The following HUNK variants were observed in gnomAD, a reference collection of about 807,000 sequenced individuals.
HUNK encodes the protein hormonally up-regulated Neu-associated kinase.
A neutral mutation model predicts 61.0 loss-of-function variants in HUNK; 21 were observed. The observed-to-expected ratio is 0.34, with a 90% CI of 0.24 to 0.50. The LOEUF is 0.50. HUNK is among the 20% of genes least tolerant of loss of function. HUNK has a pLI of 0.98. For missense variants in HUNK, 772 were observed against 945.7 expected (o/e 0.82, Z 2.41); for synonymous variants, 371 against 386.1 (o/e 0.96, Z 0.46).
chr21:31,942,346 C>A (rs41441847), intron 3 of HUNK, among the ~76,000 whole-genome samples: 6,395 of 152,274 alleles, frequency 0.042, 172 homozygotes, highest in Middle Eastern at 0.13. Context: ...CTGCTTTCTC[C>A]TTAAGTGGTA....
rs997754800 is a variant in HUNK, at chr21:32,001,725, T to C, written c.*2541T>C. On this transcript the variant is annotated 3_prime_UTR_variant, in exon 11 of 11. Transcript: ENST00000270112. ...GTGAAAGGAGAAATGTTAGATTCTT[T>C]ATTATTTTATTATATTTATATGGAA... The C allele has an allele frequency of 6.6e-6, 1 of 152,578 alleles. No homozygotes were observed. Among genetic ancestry groups the C allele is most frequent in the Non-Finnish European group, 1.5e-5 (1 of 68,038 alleles). The allele number at this position is 152,578 out of a possible 1,614,324, so 9.5% of individuals were successfully genotyped here.
At chr21:31,898,327 G>T (rs565673805) in intron 1 of HUNK, among the ~76,000 whole-genome samples, 1 of 152,248 alleles carries the variant, frequency 6.6e-6, no homozygotes, top group Admixed American at 6.5e-5. Flanking sequence ...GTGCAATGGC[G>T]CGATCTCGGC....
chr21:31,901,766 T>A (rs1275017526), intron 1 of HUNK, among the ~76,000 whole-genome samples: 2 of 152,126 alleles, frequency 1.3e-5, no homozygotes, highest in Non-Finnish European at 2.9e-5. Flanking sequence ...ATATGGGAAT[T>A]ATGCTTTTAA....
chr21:31,910,566 G>A (rs888459112), intron 1 of HUNK, among the ~76,000 whole-genome samples: 5 of 148,748 alleles, frequency 3.4e-5, no homozygotes, highest in Non-Finnish European at 5.9e-5. Context: ...TCGGCTCACC[G>A]CAACCTCTGC....
At chr21:31,983,779 G>T (rs1013176801) in intron 8 of HUNK, among the ~76,000 whole-genome samples, 170 bp downstream of exon 8, 1 of 152,180 alleles carries the variant, frequency 6.6e-6, no homozygotes, top group Non-Finnish European at 1.5e-5. Context: ...CAGCTTTGCG[G>T]TGTCTAAACC....
At chr21:31,984,779 G>A (rs2053121723) in intron 8 of HUNK, among the ~76,000 whole-genome samples, 1 of 152,128 alleles carries the variant, frequency 6.6e-6, no homozygotes, top group African/African-American at 2.4e-5. Flanking sequence ...TCTGGAGCCT[G>A]TTTATGTCCC....
intron 9 of HUNK, among the ~76,000 whole-genome samples, chr21:31,994,830 C>A (rs1046458515): frequency 1.3e-5 from 2 of 152,204 alleles, no homozygotes; most frequent in African/African-American, 4.8e-5. Flanking sequence ...GGATTATATT[C>A]TAGTACAACG....
At chr21:31,971,259 A>G (rs2053008715) in intron 6 of HUNK, among the ~76,000 whole-genome samples, 1 of 151,756 alleles carries the variant, frequency 6.6e-6, no homozygotes. Context: ...TTTAGTAGAG[A>G]TGAGGTTTCA....
At chr21:31,974,493 G>C in intron 6 of HUNK, 62 bp from the exon 7 acceptor site, 3 of 1,458,910 alleles carry the variant, frequency 2.1e-6, no homozygotes, top group Non-Finnish European at 2.8e-6. Flanking sequence ...TGCCCAGGGG[G>C]TCTGTGTGGG....
intron 8 of HUNK, among the ~76,000 whole-genome samples, chr21:31,986,041 C>T (rs2053130382): frequency 6.6e-6 from 1 of 152,118 alleles, no homozygotes; most frequent in South Asian, 2.1e-4. Context: ...GCCACAAGCC[C>T]AGGTGTGGCT....
chr21:31,950,625 T>C (rs1247726462), intron 4 of HUNK, among the ~76,000 whole-genome samples: 2 of 152,194 alleles, frequency 1.3e-5, no homozygotes, highest in Non-Finnish European at 2.9e-5. Context: ...GCAAACTTTC[T>C]ATCTGTCTAA....
chr21:31,946,897 G>A (rs1280161127), intron 4 of HUNK, among the ~76,000 whole-genome samples: 1 of 152,368 alleles, frequency 6.6e-6, no homozygotes, highest in Non-Finnish European at 1.5e-5. Flanking sequence ...TTACCGGCAT[G>A]AGCCACGCGC....
chr21:31,990,919 A>G (rs1043511745), intron 9 of HUNK, among the ~76,000 whole-genome samples: 1 of 152,216 alleles, frequency 6.6e-6, no homozygotes, highest in African/African-American at 2.4e-5. Flanking sequence ...GGCCTAGGCA[A>G]GTTGACATAT....
chr21:31,907,611 C>T lies in HUNK; in HGVS notation c.262-16857C>T, dbSNP rs112293262. 3.3e-3 allele frequency among the ~76,000 whole-genome samples: 505 copies of T among 152,190 alleles called. 5 individuals carry two copies. The highest frequency in any genetic ancestry group is 0.011 in the African/African-American group (452 of 41,504). On this transcript the variant is annotated intron_variant, in intron 1 of 10. Coordinates refer to ENST00000270112, the MANE Select transcript of HUNK (RefSeq NM_014586.2). The stretch of plus-strand genomic sequence containing the variant: ...ACATGTGAGAAGCAGGGAGCCAGCA[C>T]GGGGCATACCTGGAAGATATAAAAA...
In HUNK at chr21:32,003,104, CAG is replaced by C. The variant is rs755500617; in HGVS notation, c.*3924_*3925del. 1 of 152,266 alleles carries C rather than the reference CAG, an allele frequency of 6.6e-6. No individual in the cohort carries two copies. Among genetic ancestry groups the C allele is most frequent in the African/African-American group, 2.4e-5 (1 of 41,434 alleles). The allele number at this position is 152,266 out of a possible 1,614,324, so 9.4% of individuals were successfully genotyped here. On this transcript the variant is annotated 3_prime_UTR_variant, in exon 11 of 11. Transcript: ENST00000270112. The stretch of plus-strand genomic sequence containing the variant: ...AGCAGAGTTTCTCCCTCAAAGAACA[CAG>C]AGAAATCAGAGAGTGGCTGCCATGG...
intron 1 of HUNK, among the ~76,000 whole-genome samples, chr21:31,878,035 G>A (rs1450544166): frequency 6.6e-6 from 1 of 152,046 alleles, no homozygotes; most frequent in Non-Finnish European, 1.5e-5. Context: ...AAGGTGGGTG[G>A]ATCACTTGAG....
chr21:31,873,412 GGGGCCCGGGCGACCCTAAGA>G lies in HUNK; in HGVS notation c.-260_-241del, dbSNP rs1354878445. On this transcript the variant is annotated 5_prime_UTR_variant, in exon 1 of 11. Coordinates refer to ENST00000270112, the MANE Select transcript of HUNK (RefSeq NM_014586.2). This position sits in a 1 kb window ranked among gnomAD's most constrained non-coding sequence, Gnocchi z 6.1. The stretch of plus-strand genomic sequence containing the variant: ...GGGGCGGGATCCTGGTGTCCTGAAA[GGGGCCCGGGCGACCCTAAGA>G]GGAAGAACTTTTGGGGGCGGGGTCC... 6.5e-6 allele frequency: 1 copy of G among 153,612 alleles called. No individual in the cohort carries two copies. Among genetic ancestry groups the G allele is most frequent in the East Asian group, 1.9e-4 (1 of 5,158 alleles). 9.5% of individuals were successfully genotyped at this position (153,612 alleles called of 1,614,324 possible).
intron 5 of HUNK, among the ~76,000 whole-genome samples, chr21:31,964,047 G>A (rs2052946940): frequency 6.6e-6 from 1 of 152,136 alleles, no homozygotes; most frequent in South Asian, 2.1e-4. Flanking sequence ...ATGTCACAGA[G>A]TAGCGAATGC....
At chr21:31,953,156 G>A (rs1482769376) in intron 4 of HUNK, among the ~76,000 whole-genome samples, 1 of 152,130 alleles carries the variant, frequency 6.6e-6, no homozygotes, top group African/African-American at 2.4e-5. Flanking sequence ...GGAAACTCCG[G>A]GGGAGAGGAA....
Sources: gnomAD v4.1 joint callset for allele counts (sites outside exome capture counted in the v4.1 genomes callset) on GRCh38, gnomAD v4.1.1 for gene constraint, Gnocchi (gnomAD v3.1) non-coding constraint, MANE v1.5 for transcripts, NCBI Gene and HGNC (gene_info 2026-07-23, HGNC 2026-07-21) for gene names.